Variants in ARHGEF3 observed in about 807,000 individuals in gnomAD.
ARHGEF3 encodes the protein 59.8 kDA protein.
In ARHGEF3, 28 loss-of-function variants were observed where a neutral mutation model predicts 63.2. The ratio of observed to expected loss-of-function variants is 0.44; its 90% confidence interval spans 0.33 to 0.61. ARHGEF3 has a LOEUF of 0.61. ARHGEF3 is among the 20% of genes least tolerant of loss of function. The pLI is 0.03. For synonymous variants in ARHGEF3, 266 were observed against 254.2 expected (o/e 1.05, Z -0.44); for missense variants, 533 against 659.3 (o/e 0.81, Z 2.10).
intron 2 of ARHGEF3, chr3:57,007,081 G>A (rs1049175893): frequency 1.4e-5 from 14 of 1,024,772 alleles, no homozygotes; most frequent in Non-Finnish European, 1.8e-5. Context: ...CTATTAAGGT[G>A]TGCTCAGCAT....
At chr3:56,761,231 A>G (rs1331585194) in intron 2 of ARHGEF3, among the ~76,000 whole-genome samples, 1 of 152,332 alleles carries the variant, frequency 6.6e-6, no homozygotes, top group African/African-American at 2.4e-5. Flanking sequence ...GCAGGTGTTC[A>G]TAACAGCACT....
At chr3:57,013,220 C>T (rs1443693614) in intron 2 of ARHGEF3, among the ~76,000 whole-genome samples, 1 of 152,234 alleles carries the variant, frequency 6.6e-6, no homozygotes, top group Non-Finnish European at 1.5e-5. Context: ...TGGTGCCCAT[C>T]CCATCGACGG....
At chr3:56,829,084 C>T (rs1231313291) in intron 4 of ARHGEF3, among the ~76,000 whole-genome samples, 2 of 152,052 alleles carry the variant, frequency 1.3e-5, no homozygotes, top group Admixed American at 1.3e-4. Context: ...TGCCACCATG[C>T]CTGGCTAAGT....
intron 2 of ARHGEF3, among the ~76,000 whole-genome samples, chr3:56,981,899 G>C (rs1701341162): frequency 1.3e-5 from 2 of 152,180 alleles, no homozygotes; most frequent in Non-Finnish European, 2.9e-5. Context: ...TTTCTGTTGG[G>C]GGATGCCCTC....
chr3:57,039,684 T>C (rs776556486), intron 1 of ARHGEF3, among the ~76,000 whole-genome samples: 7 of 152,180 alleles, frequency 4.6e-5, no homozygotes, highest in Non-Finnish European at 1.0e-4. Flanking sequence ...TCACTTTGCA[T>C]TCCTCGGCTT....
intron 1 of ARHGEF3, chr3:57,074,395 C>T: frequency 1.3e-6 from 1 of 763,736 alleles, no homozygotes. Context: ...TCTGCATCTT[C>T]TTAGATATCA....
chr3:57,046,619 T>C (rs556669604), intron 1 of ARHGEF3, among the ~76,000 whole-genome samples: 5 of 152,314 alleles, frequency 3.3e-5, no homozygotes, highest in Admixed American at 6.5e-5. Flanking sequence ...GCTCACCCTC[T>C]CTGGAGGAAC....
At chr3:56,739,996 T>C (rs1291155499) in intron 7 of ARHGEF3, among the ~76,000 whole-genome samples, 1 of 151,774 alleles carries the variant, frequency 6.6e-6, no homozygotes, top group Non-Finnish European at 1.5e-5. Context: ...GCCTCCTGGA[T>C]TCAAGCGATT....
intron 1 of ARHGEF3, among the ~76,000 whole-genome samples, chr3:57,067,794 A>T (rs1457568595): frequency 2.7e-5 from 4 of 150,184 alleles, no homozygotes; most frequent in Non-Finnish European, 3.0e-5. Flanking sequence ...ATTGGCTAAC[A>T]CGGTGAAACC....
At chr3:56,940,562 C>T (rs181818783) in intron 3 of ARHGEF3, 11 of 152,228 alleles carry the variant, frequency 7.2e-5, no homozygotes, top group African/African-American at 2.4e-4. Context: ...TTGAAGATGA[C>T]GTGAGCTTTC....
intron 4 of ARHGEF3, among the ~76,000 whole-genome samples, chr3:56,809,088 GA>G (rs1365826769): frequency 6.6e-6 from 1 of 152,186 alleles, no homozygotes; most frequent in Admixed American, 6.5e-5. Flanking sequence ...GGGCAAAGAA[GA>G]AATGCTTGAG....
chr3:56,872,677 T>C (rs1230477803), intron 4 of ARHGEF3, among the ~76,000 whole-genome samples: 1 of 152,008 alleles, frequency 6.6e-6, no homozygotes, highest in African/African-American at 2.4e-5. Flanking sequence ...GCCCAGCTAA[T>C]TTTTGTATTT....
intron 2 of ARHGEF3, among the ~76,000 whole-genome samples, chr3:56,765,383 C>T (rs2035647242): frequency 6.6e-6 from 1 of 152,092 alleles, no homozygotes; most frequent in African/African-American, 2.4e-5. Context: ...CCTTGGATAC[C>T]CATTACAAGA....
At chr3:56,922,636 T>C (rs961497683) in intron 3 of ARHGEF3, among the ~76,000 whole-genome samples, 1 of 152,158 alleles carries the variant, frequency 6.6e-6, no homozygotes, top group African/African-American at 2.4e-5. Context: ...TATTAAAAAG[T>C]TTCTCACCAT....
chr3:56,823,201 T>C (rs1348277916), intron 4 of ARHGEF3, among the ~76,000 whole-genome samples: 1 of 152,156 alleles, frequency 6.6e-6, no homozygotes, highest in Admixed American at 6.5e-5. Flanking sequence ...CAGAGTAAAA[T>C]GTTACAATAT....
At chr3:57,002,462 C>CTATATATATATATATATATA (rs1165862414) in intron 2 of ARHGEF3, among the ~76,000 whole-genome samples, 13 of 38,674 alleles carry the variant, frequency 3.4e-4, no homozygotes, top group East Asian at 8.9e-4. Context: ...GTTCTAAGCA[C>CTATATATATATATATATATA]TATATATATA....
At chr3:57,053,407 C>G (rs1005199034) in intron 1 of ARHGEF3, among the ~76,000 whole-genome samples, 1 of 152,174 alleles carries the variant, frequency 6.6e-6, no homozygotes, top group Non-Finnish European at 1.5e-5. Context: ...TCCCCTCCAG[C>G]CTGCCCTGCC....
At chr3:56,982,404 T>G (rs1701359887) in intron 2 of ARHGEF3, among the ~76,000 whole-genome samples, 1 of 152,080 alleles carries the variant, frequency 6.6e-6, no homozygotes. Flanking sequence ...TAGCACACAG[T>G]AAGCACTTAA....
intron 2 of ARHGEF3, among the ~76,000 whole-genome samples, chr3:57,003,745 T>C (rs1702358190): frequency 1.3e-5 from 2 of 151,894 alleles, no homozygotes; most frequent in African/African-American, 4.8e-5. Context: ...CGAGCAGTAG[T>C]AGGAGATGTG....
Sources: gnomAD v4.1 joint callset for allele counts (sites outside exome capture counted in the v4.1 genomes callset) on GRCh38, gnomAD v4.1.1 for gene constraint, MANE v1.5 for transcripts, NCBI Gene and HGNC (gene_info 2026-07-23, HGNC 2026-07-21) for gene names.